Variants in ATXN7L1 observed in about 807,000 individuals in gnomAD.
The protein encoded by ATXN7L1 is ataxin 7 like 1.
Under a neutral mutation model 70.8 loss-of-function variants are expected in ATXN7L1, and 15 were observed. The ratio of observed to expected loss-of-function variants is 0.21; its 90% CI spans 0.14 to 0.33. The LOEUF is 0.33. Ranked by LOEUF, ATXN7L1 falls within the 10% of genes least tolerant of loss-of-function variation. The probability of loss-of-function intolerance (pLI) is 1.00; values close to 1 mark genes in which losing one functional copy is unlikely to be tolerated. For missense variants in ATXN7L1, 975 were observed against 1,097.1 expected (o/e 0.89, Z 1.57); for synonymous variants, 440 against 445.1 (o/e 0.99, Z 0.14).
intron 4 of ATXN7L1, among the ~76,000 whole-genome samples, chr7:105,658,251 C>G (rs1801005514): frequency 6.6e-6 from 1 of 150,982 alleles, no homozygotes; most frequent in Admixed American, 6.6e-5. Context: ...TCCACTTTTC[C>G]AATGGATTAC....
At chr7:105,674,813 A>G (rs1372448785) in intron 3 of ATXN7L1, among the ~76,000 whole-genome samples, 1 of 152,194 alleles carries the variant, frequency 6.6e-6, no homozygotes, top group Non-Finnish European at 1.5e-5. Context: ...TTCTGGCATC[A>G]CCACTATTGG....
intron 3 of ATXN7L1, among the ~76,000 whole-genome samples, chr7:105,747,218 C>T (rs1015840415): frequency 6.6e-6 from 1 of 152,194 alleles, no homozygotes; most frequent in Non-Finnish European, 1.5e-5. Context: ...CTTTCAGCTC[C>T]ACCTGCCAAC....
chr7:105,608,412 G>A lies in ATXN7L1; in HGVS notation c.2548-522C>T, dbSNP rs568847194. ...GTGAAAAGGTTTAAATGTGTGTAGC[G>A]TGTGTAAAGGACACAGCACGTAGCC... On this transcript the variant is annotated intron_variant, in intron 11 of 11. Transcript: ENST00000419735. Among the ~76,000 whole-genome samples the A allele has an allele frequency of 9.2e-5, 14 of 152,270 alleles. No homozygotes were observed. In the South Asian group the frequency reaches 1.2e-3, roughly 14 times the overall value.
chr7:105,638,598 T>C lies in ATXN7L1; in HGVS notation c.957A>G (p.Leu319=). The change falls in exon 7 of 12, where the codon CTA becomes CTG. Residue 319 remains leucine (L), a synonymous_variant. Transcript: ENST00000419735. ...GGCCTGGGACTGCCCTCCGATGGCT[T>C]AGCGAATGTGTCTAAGGAGAAGAGA... ...TRSLTCKTHS[L]SHRRAVPGRK... The C allele has an allele frequency of 6.4e-7, 1 of 1,551,598 alleles. No individual in the cohort carries two copies. Among genetic ancestry groups the C allele is most frequent in the Non-Finnish European group, 8.7e-7 (1 of 1,146,932 alleles).
intron 4 of ATXN7L1, among the ~76,000 whole-genome samples, chr7:105,648,042 T>C (rs977752656): frequency 3.3e-5 from 5 of 151,916 alleles, no homozygotes; most frequent in Non-Finnish European, 5.9e-5. Flanking sequence ...ATGGGAAGCA[T>C]TGGGGAAAAA....
At position 105,641,707 on chromosome 7, in the gene ATXN7L1, C is replaced by T. The variant is rs619104; in HGVS notation, c.862+1131G>A. Among the ~76,000 whole-genome samples the T allele has an allele frequency of 7.1e-3, 1,088 of 152,364 alleles. 55 individuals are homozygous for T. In the East Asian group the frequency reaches 0.13, roughly 18 times the overall value. ...AAGAGCCAGGTGCTGGGGGCTCCCG[C>T]CCGAACTGTGAGGCCCACAGTGCTT... On this transcript the variant is annotated intron_variant, in intron 5 of 11. Coordinates refer to ENST00000419735, the MANE Select transcript of ATXN7L1 (RefSeq NM_020725.2).
rs79709067 is a variant in ATXN7L1, at chr7:105,794,469, A to T, written c.251-5761T>A. On this transcript the variant is annotated intron_variant, in intron 2 of 11. Coordinates refer to ENST00000419735, the MANE Select transcript of ATXN7L1 (RefSeq NM_020725.2). Reference sequence around the variant, plus strand: ...ACTACAAACCAGGACTTCTTCCCGCAGAGAGCTGGTTGTTAAAACATTTAC... The same window carrying T: ...ACTACAAACCAGGACTTCTTCCCGCTGAGAGCTGGTTGTTAAAACATTTAC... Among the ~76,000 whole-genome samples the T allele has an allele frequency of 3.0e-3, 455 of 152,352 alleles. 2 individuals carry two copies. Among genetic ancestry groups the T allele is most frequent in the African/African-American group, 0.01 (425 of 41,570 alleles).
At chr7:105,774,282 A>C (rs1269808194) in intron 3 of ATXN7L1, among the ~76,000 whole-genome samples, 5 of 151,810 alleles carry the variant, frequency 3.3e-5, no homozygotes, top group African/African-American at 1.2e-4. Context: ...AGCTAGTGTC[A>C]CTATCAGGAT....
At chr7:105,791,293 C>A (rs991020837) in intron 2 of ATXN7L1, among the ~76,000 whole-genome samples, 3 of 152,314 alleles carry the variant, frequency 2.0e-5, no homozygotes, top group Middle Eastern at 3.4e-3. Flanking sequence ...CCAGTCATCC[C>A]CCTCATCTCT....
intron 3 of ATXN7L1, among the ~76,000 whole-genome samples, chr7:105,677,376 T>C (rs1012301433): frequency 2.0e-5 from 3 of 152,240 alleles, no homozygotes; most frequent in African/African-American, 7.2e-5. Context: ...ACCCACATCA[T>C]GGAGTTACAA....
chr7:105,798,823 TC>T (rs1158509542), intron 2 of ATXN7L1, among the ~76,000 whole-genome samples: 1 of 152,220 alleles, frequency 6.6e-6, no homozygotes, highest in Admixed American at 6.5e-5. Flanking sequence ...GAGAGGCTTT[TC>T]TTCTATTTGG....
At position 105,610,612 on chromosome 7, in the gene ATXN7L1, C is replaced by T. The variant is rs552742128; in HGVS notation, c.2473-9G>A. Reference sequence around the variant, plus strand: ...CTGCTATTTTTCCCAACCTGAAAGACACCATTGAAGCCCCACTCAGACACA... The same window carrying T: ...CTGCTATTTTTCCCAACCTGAAAGATACCATTGAAGCCCCACTCAGACACA... On this transcript the variant is annotated splice_polypyrimidine_tract_variant and intron_variant, in intron 10 of 11. Coordinates refer to ENST00000419735, the MANE Select transcript of ATXN7L1 (RefSeq NM_020725.2). 3.8e-5 allele frequency: 59 copies of T among 1,550,914 alleles called. No individual in the cohort carries two copies. The South Asian group carries it at 6.4e-4, about 17-fold the overall frequency.
intron 2 of ATXN7L1, among the ~76,000 whole-genome samples, chr7:105,810,697 C>G (rs143725504): frequency 2.0e-5 from 3 of 152,174 alleles, no homozygotes; most frequent in Admixed American, 2.0e-4. Flanking sequence ...CAGGAGCCAA[C>G]GCGAGCCAGC....
At chr7:105,713,782 G>A (rs1794202899) in intron 3 of ATXN7L1, among the ~76,000 whole-genome samples, 1 of 148,066 alleles carries the variant, frequency 6.8e-6, no homozygotes, top group African/African-American at 2.5e-5. Context: ...AGGCCTCAGA[G>A]GGCCTCCAGG....
At chr7:105,870,521 C>T (rs918465555) in intron 2 of ATXN7L1, among the ~76,000 whole-genome samples, 2 of 151,734 alleles carry the variant, frequency 1.3e-5, no homozygotes, top group African/African-American at 4.8e-5. Context: ...TGTGCTAAGC[C>T]CTTTTGTATT....
rs1794731584 is a variant in ATXN7L1 at position 105,620,317 on chromosome 7, C to G, written c.1400G>C (p.Cys467Ser). 1 of 1,543,604 alleles carries G rather than the reference C, an allele frequency of 6.5e-7. No individual in the cohort carries two copies. The highest frequency in any genetic ancestry group is 1.4e-5 in the African/African-American group (1 of 72,420). The change falls in exon 9 of 12, where the codon TGC becomes TCC. Residue 467 changes from cysteine to serine, a missense_variant. Around this residue, in one of 5 missense-constraint regions of ATXN7L1, gnomAD observed 635 missense variants for 699.4 expected, o/e 0.91. Coordinates refer to ENST00000419735, the MANE Select transcript of ATXN7L1 (RefSeq NM_020725.2). The part of the protein sequence containing the change: ...STHHPRPLAF[C>S]SFGSRLMGRG... The stretch of plus-strand genomic sequence containing the variant: ...TCCCATGAGGCGACTCCCAAATGAG[C>G]AAAACTGTGAGGAAAAAAAAATTTT...
chr7:105,749,480 C>T (rs956414401), intron 3 of ATXN7L1, among the ~76,000 whole-genome samples: 1 of 151,670 alleles, frequency 6.6e-6, no homozygotes, highest in Non-Finnish European at 1.5e-5. Flanking sequence ...GATGTACACA[C>T]AGTTGTCACC....
intron 2 of ATXN7L1, among the ~76,000 whole-genome samples, chr7:105,808,920 T>C (rs1017958953): frequency 1.3e-5 from 2 of 152,276 alleles, no homozygotes; most frequent in African/African-American, 4.8e-5. Flanking sequence ...AAAACACCAA[T>C]GTCTGGATTA....
chr7:105,798,798 T>C (rs1374895033), intron 2 of ATXN7L1, among the ~76,000 whole-genome samples: 1 of 152,222 alleles, frequency 6.6e-6, no homozygotes, highest in African/African-American at 2.4e-5. Context: ...TATTGCTTCT[T>C]GAGATTCACA....
Sources: gnomAD v4.1 joint callset for allele counts (sites outside exome capture counted in the v4.1 genomes callset) on GRCh38, gnomAD v4.1.1 for gene constraint, gnomAD v4.1.1 regional missense constraint, MANE v1.5 for transcripts, NCBI Gene and HGNC (gene_info 2026-07-23, HGNC 2026-07-21) for gene names.